The following SLC49A4 variants were observed in gnomAD, a reference collection of about 807,000 sequenced individuals.
The protein encoded by SLC49A4 is solute carrier family 49 member 4.
SLC49A4 carries 36 observed loss-of-function variants against 50.6 expected under a neutral mutation model. The observed-to-expected ratio is 0.71, with a 90% confidence interval of 0.55 to 0.94. The LOEUF (loss-of-function observed/expected upper bound fraction) is 0.94, where lower values mean the gene tolerates loss of function less well. SLC49A4 is among the 40% of genes least tolerant of loss of function. The pLI is 0.00. For missense variants in SLC49A4, 503 were observed against 605.7 expected (o/e 0.83, Z 1.78); for synonymous variants, 248 against 241.2 (o/e 1.03, Z -0.26).
intron 5 of SLC49A4, among the ~76,000 whole-genome samples, chr3:122,850,916 C>T (rs1215050267): frequency 6.6e-6 from 1 of 152,176 alleles, no homozygotes; most frequent in Non-Finnish European, 1.5e-5. Flanking sequence ...TTTTTGTCAT[C>T]TTTCCTACCT....
At chr3:122,829,071 T>C (rs1279023631) in intron 3 of SLC49A4, among the ~76,000 whole-genome samples, 1 of 152,226 alleles carries the variant, frequency 6.6e-6, no homozygotes, top group East Asian at 1.9e-4. Flanking sequence ...TGTACTAGAA[T>C]TGTCATTTTA....
intron 5 of SLC49A4, among the ~76,000 whole-genome samples, chr3:122,851,993 CTTTTTTTTT>C (rs368287566): frequency 7.8e-6 from 1 of 128,032 alleles, no homozygotes; most frequent in African/African-American, 2.9e-5. Context: ...ATCTTTGATT[CTTTTTTTTT>C]TTTTTTTTTG....
intron 4 of SLC49A4, among the ~76,000 whole-genome samples, chr3:122,836,857 C>T (rs572339020): frequency 6.6e-6 from 1 of 152,330 alleles, no homozygotes; most frequent in African/African-American, 2.4e-5. Context: ...TAAGCGACTT[C>T]AGCAAAGTCT....
chr3:122,800,993 G>T (rs1221689942), intron 1 of SLC49A4, among the ~76,000 whole-genome samples: 2 of 152,194 alleles, frequency 1.3e-5, no homozygotes, highest in African/African-American at 4.8e-5. Context: ...CAGTCAGCAT[G>T]GTTGTGTGTT....
intron 5 of SLC49A4, among the ~76,000 whole-genome samples, chr3:122,855,245 A>C (rs1936972030): frequency 1.3e-5 from 2 of 152,244 alleles, no homozygotes; most frequent in Admixed American, 1.3e-4. Context: ...GAGCAGGGAC[A>C]CGGAATGCTT....
At chr3:122,813,231 ACT>A (rs1183696959) in intron 2 of SLC49A4, among the ~76,000 whole-genome samples, 2 of 143,016 alleles carry the variant, frequency 1.4e-5, no homozygotes, top group African/African-American at 2.6e-5. Flanking sequence ...ATAGAGCGAG[ACT>A]CTGTCTCAAA....
chr3:122,860,242 C>T (rs1937044799), intron 7 of SLC49A4, 40 bp downstream of exon 7: 1 of 1,540,384 alleles, frequency 6.5e-7, no homozygotes, highest in Non-Finnish European at 8.7e-7. Flanking sequence ...TAAATATTTT[C>T]ATTCACAGAA....
intron 8 of SLC49A4, among the ~76,000 whole-genome samples, chr3:122,877,625 A>G (rs1173047905): frequency 6.6e-6 from 1 of 152,218 alleles, no homozygotes. Context: ...TGTTTTGTCA[A>G]TTACCATACT....
intron 4 of SLC49A4, among the ~76,000 whole-genome samples, chr3:122,844,872 AATAT>A (rs35644046): frequency 1.5e-4 from 23 of 150,086 alleles, no homozygotes; most frequent in South Asian, 2.1e-4. Flanking sequence ...CTTCTTGAAG[AATAT>A]ATATATATAT....
At chr3:122,872,352 G>T in intron 7 of SLC49A4, 63 bp from the exon 8 acceptor site, 9 of 1,366,654 alleles carry the variant, frequency 6.6e-6, no homozygotes, top group Non-Finnish European at 9.1e-6. Flanking sequence ...ACACCCCGAA[G>T]ATCTATCTGA....
chr3:122,869,358 T>A (rs1208605382), intron 7 of SLC49A4, among the ~76,000 whole-genome samples: 2 of 152,236 alleles, frequency 1.3e-5, no homozygotes, highest in Middle Eastern at 6.8e-3. Context: ...TTTCAGCACC[T>A]TTTTCACTTA....
chr3:122,836,546 A>G (rs1300777911), intron 4 of SLC49A4, among the ~76,000 whole-genome samples: 1 of 151,740 alleles, frequency 6.6e-6, no homozygotes. Context: ...TTTTCTATTG[A>G]TTGGAATAGT....
At chr3:122,840,480 A>G (rs1454720475) in intron 4 of SLC49A4, among the ~76,000 whole-genome samples, 1 of 152,212 alleles carries the variant, frequency 6.6e-6, no homozygotes, top group Non-Finnish European at 1.5e-5. Context: ...AAGTAAAATT[A>G]ATTAGAAATA....
At chr3:122,816,113 T>C (rs1936364153) in intron 2 of SLC49A4, among the ~76,000 whole-genome samples, 2 of 152,184 alleles carry the variant, frequency 1.3e-5, no homozygotes, top group Admixed American at 6.5e-5. Flanking sequence ...TCCACATTGA[T>C]GCCATCTGAA....
At chr3:122,863,845 T>G (rs1304102041) in intron 7 of SLC49A4, among the ~76,000 whole-genome samples, 1 of 152,218 alleles carries the variant, frequency 6.6e-6, no homozygotes, top group East Asian at 1.9e-4. Flanking sequence ...AGCTAGTTAA[T>G]TTTGTTCAAC....
At chr3:122,848,415 T>C (rs1429220038) in intron 5 of SLC49A4, among the ~76,000 whole-genome samples, 5 of 152,162 alleles carry the variant, frequency 3.3e-5, no homozygotes, top group Non-Finnish European at 7.4e-5. Context: ...AGTTTTGATA[T>C]TTAGTAAATT....
intron 2 of SLC49A4, among the ~76,000 whole-genome samples, chr3:122,815,335 C>T (rs550536229): frequency 6.6e-6 from 1 of 152,182 alleles, no homozygotes; most frequent in South Asian, 2.1e-4. Context: ...GTAATCTGCC[C>T]GCCTCGGCCT....
chr3:122,826,094 G>A (rs1459521425), intron 2 of SLC49A4, among the ~76,000 whole-genome samples: 1 of 152,158 alleles, frequency 6.6e-6, no homozygotes, highest in Non-Finnish European at 1.5e-5. Flanking sequence ...TTCAACTTCA[G>A]CTGATCTCCT....
chr3:122,836,224 A>G (rs376723597), intron 4 of SLC49A4, among the ~76,000 whole-genome samples: 23 of 152,234 alleles, frequency 1.5e-4, no homozygotes, highest in Admixed American at 5.2e-4. Flanking sequence ...AATTTTGTCA[A>G]AGGCCTTTTC....
Sources: gnomAD v4.1 joint callset for allele counts (sites outside exome capture counted in the v4.1 genomes callset) on GRCh38, gnomAD v4.1.1 for gene constraint, MANE v1.5 for transcripts, NCBI Gene and HGNC (gene_info 2026-07-23, HGNC 2026-07-21) for gene names.